TIAM2: variants seen among roughly 807,000 people sequenced by gnomAD.
TIAM2 encodes the protein TIAM Rac1 associated GEF 2.
A neutral mutation model predicts 152.9 loss-of-function variants in TIAM2; 80 were observed. The observed-to-expected ratio is 0.52, with a 90% CI of 0.44 to 0.63. The LOEUF (loss-of-function observed/expected upper bound fraction) is 0.63. Among genes scored for constraint, TIAM2 ranks in the 30% least tolerant of loss-of-function variants. The pLI is 0.00. For synonymous variants in TIAM2, 804 were observed against 838.0 expected (o/e 0.96, Z 0.70); for missense variants, 1,965 against 2,120.1 (o/e 0.93, Z 1.44).
At chr6:155,135,970 G>A (rs547428357) in intron 4 of TIAM2, among the ~76,000 whole-genome samples, 11 of 151,988 alleles carry the variant, frequency 7.2e-5, no homozygotes, top group Admixed American at 4.6e-4. Context: ...TGAGGTGGGC[G>A]GATCACCTGA....
intron 1 of TIAM2, among the ~76,000 whole-genome samples, chr6:155,026,525 A>G (rs1361929520): frequency 2.6e-5 from 4 of 152,214 alleles, no homozygotes; most frequent in African/African-American, 9.6e-5. Flanking sequence ...ACTACAGAAC[A>G]CTGGGGGAGG....
rs114767871 is a variant in TIAM2 at position 155,245,630 on chromosome 6, T to C, written c.3551T>C (p.Leu1184Pro). The change falls in exon 19 of 27, where the codon CTG (leucine) becomes CCG (proline). Residue 1184 changes from leucine to proline, a missense_variant. Leu to Pro is a moderately conservative substitution (Grantham distance 98, BLOSUM62 -3). Around this residue, in one of 3 missense-constraint regions of TIAM2, gnomAD observed 935 missense variants for 980.0 expected, o/e 0.95. Transcript: ENST00000682666. ...LETPSQFRKL[L>P]FSLGGSFLYY... ...TCCCCTCTGCCCTTCTAGAAATTAC[T>C]GTTTTCCCTTGGAGGCTCTTTCCTT... 2 of 1,613,824 alleles carry C rather than the reference T, an allele frequency of 1.2e-6. No individual in the cohort carries two copies. Among genetic ancestry groups the C allele is most frequent in the Non-Finnish European group, 1.7e-6 (2 of 1,179,660 alleles).
chr6:155,086,694 G>A (rs1778177390), intron 1 of TIAM2, among the ~76,000 whole-genome samples: 1 of 138,522 alleles, frequency 7.2e-6, no homozygotes. Context: ...GCAACAGAGT[G>A]AGGCTCCATC....
chr6:155,227,269 C>T (rs569776705), intron 15 of TIAM2, among the ~76,000 whole-genome samples: 4 of 152,152 alleles, frequency 2.6e-5, no homozygotes, highest in Admixed American at 1.3e-4. Flanking sequence ...ACTAGGCATG[C>T]GGAATGGCTT....
intron 1 of TIAM2, among the ~76,000 whole-genome samples, chr6:155,081,464 G>T (rs1778059623): frequency 6.6e-6 from 1 of 150,954 alleles, no homozygotes; most frequent in African/African-American, 2.4e-5. Context: ...CAGAAATTAT[G>T]TCTAGTCTTG....
At chr6:155,178,292 C>T (rs756693595) in intron 10 of TIAM2, among the ~76,000 whole-genome samples, 1 of 150,992 alleles carries the variant, frequency 6.6e-6, no homozygotes, top group Non-Finnish European at 1.5e-5. Context: ...TGTGCGTACA[C>T]ATTTTCGTTT....
At chr6:155,006,726 T>TTGCCCAGG (rs963271534) in intron 1 of TIAM2, among the ~76,000 whole-genome samples, 8 of 151,208 alleles carry the variant, frequency 5.3e-5, no homozygotes, top group South Asian at 2.1e-4. Context: ...TGTTACTCTG[T>TTGCCCAGG]TGCCCAGGCT....
chr6:155,024,656 A>ATTTT (rs1562292978), intron 1 of TIAM2, among the ~76,000 whole-genome samples: 2 of 151,806 alleles, frequency 1.3e-5, no homozygotes, highest in African/African-American at 4.8e-5. Flanking sequence ...TGTCTTTAAA[A>ATTTT]AAAAAAAAAA....
At chr6:155,106,731 C>T (rs538710095) in intron 2 of TIAM2, among the ~76,000 whole-genome samples, 19 of 152,322 alleles carry the variant, frequency 1.2e-4, no homozygotes, top group African/African-American at 2.9e-4. Flanking sequence ...AACCTTTATT[C>T]GGCTGACTTG....
intron 1 of TIAM2, among the ~76,000 whole-genome samples, chr6:155,057,032 T>A (rs1777467673): frequency 7.5e-6 from 1 of 133,120 alleles, no homozygotes; most frequent in Non-Finnish European, 1.6e-5. Context: ...TTTTTTTTTT[T>A]TTTTTTTTTT....
chr6:155,074,215 A>G (rs1328296742), intron 1 of TIAM2, among the ~76,000 whole-genome samples: 6 of 152,310 alleles, frequency 3.9e-5, no homozygotes, highest in African/African-American at 1.2e-4. Context: ...CTTAATTTTG[A>G]CTTCCTCTCC....
intron 4 of TIAM2, among the ~76,000 whole-genome samples, chr6:155,134,344 G>A (rs1779510485): frequency 6.6e-6 from 1 of 152,138 alleles, no homozygotes; most frequent in East Asian, 1.9e-4. Context: ...GAGACTGGGA[G>A]AGTTCATACC....
intron 7 of TIAM2, among the ~76,000 whole-genome samples, chr6:155,162,200 T>C (rs1368657892): frequency 6.6e-6 from 1 of 152,118 alleles, no homozygotes; most frequent in Admixed American, 6.6e-5. Flanking sequence ...TCAAGCAGTC[T>C]GCCCACCTCG....
intron 1 of TIAM2, among the ~76,000 whole-genome samples, chr6:155,036,703 C>T (rs939902268): frequency 7.3e-5 from 11 of 151,266 alleles, no homozygotes; most frequent in South Asian, 2.1e-4. Context: ...CTGCAACCTC[C>T]GCCTCCCAGG....
At chr6:155,079,237 T>C (rs1168825636) in intron 1 of TIAM2, among the ~76,000 whole-genome samples, 1 of 152,096 alleles carries the variant, frequency 6.6e-6, no homozygotes, top group Non-Finnish European at 1.5e-5. Context: ...AATTTTTGTA[T>C]TTTTACTAGA....
At position 155,257,263 on chromosome 6, in the gene TIAM2, A is replaced by G. The variant is rs1784118819; in HGVS notation, c.*142A>G. ...ATACATTTTCCCACAAAATGGTTGTAAAGATTTAAGTTATTTTAATTTATT... is the reference window on the plus strand; with the variant it reads ...ATACATTTTCCCACAAAATGGTTGTGAAGATTTAAGTTATTTTAATTTATT... On this transcript the variant is annotated 3_prime_UTR_variant, in exon 27 of 27. Coordinates refer to ENST00000682666, the MANE Select transcript of TIAM2 (RefSeq NM_012454.4). 3 of 945,218 alleles carry G rather than the reference A, an allele frequency of 3.2e-6. No individual in the cohort carries two copies. The highest frequency in any genetic ancestry group is 3.4e-4 in the Middle Eastern group (1 of 2,956). The allele number at this position is 945,218 out of a possible 1,614,324, so 58.6% of individuals were successfully genotyped here.
chr6:155,156,604 G>A lies in TIAM2; in HGVS notation c.2029-7811G>A, dbSNP rs1780122033. ...ACCCAGGAAGCAGAGGTTTCCATGA[G>A]CTGAGATCACACCATTGCACTCCAG... is the stretch of plus-strand genomic sequence containing the variant. On this transcript the variant is annotated intron_variant, in intron 7 of 26. Transcript: ENST00000682666. This position sits in a 1 kb window ranked among gnomAD's most constrained non-coding sequence, Gnocchi z 4.4. 6.6e-6 allele frequency among the ~76,000 whole-genome samples: 1 copy of A among 152,126 alleles called. No individual in the cohort carries two copies. Among genetic ancestry groups the A allele is most frequent in the African/African-American group, 2.4e-5 (1 of 41,414 alleles).
At chr6:155,108,385 G>A (rs1778749554) in intron 2 of TIAM2, among the ~76,000 whole-genome samples, 1 of 152,158 alleles carries the variant, frequency 6.6e-6, no homozygotes, top group Non-Finnish European at 1.5e-5. Context: ...CTCTGACAGA[G>A]CCAGCAAGCA....
chr6:155,238,443 T>G (rs1490926871), intron 15 of TIAM2, among the ~76,000 whole-genome samples: 1 of 152,238 alleles, frequency 6.6e-6, no homozygotes, highest in Non-Finnish European at 1.5e-5. Flanking sequence ...TTTTCAGTTA[T>G]GTTTTCAGCA....
Sources: gnomAD v4.1 joint callset for allele counts (sites outside exome capture counted in the v4.1 genomes callset) on GRCh38, gnomAD v4.1.1 for gene constraint, gnomAD v4.1.1 regional missense constraint, Gnocchi (gnomAD v3.1) non-coding constraint, MANE v1.5 for transcripts, NCBI Gene and HGNC (gene_info 2026-07-23, HGNC 2026-07-21) for gene names.